ARL8B: variants seen among roughly 807,000 people sequenced by gnomAD.
The protein encoded by ARL8B is ADP-ribosylation factor-like protein 8B.
A neutral mutation model predicts 30.6 loss-of-function variants in ARL8B; 9 were observed. The ratio of observed to expected loss-of-function variants is 0.29; its 90% confidence interval spans 0.18 to 0.51. The LOEUF (loss-of-function observed/expected upper bound fraction) is 0.51, where lower values mean the gene tolerates loss of function less well. Ranked by LOEUF, ARL8B falls within the 20% of genes least tolerant of loss-of-function variation. The pLI, the probability that ARL8B is intolerant of heterozygous loss-of-function variation, is 0.97. For synonymous variants in ARL8B, 74 were observed against 76.0 expected, an observed-to-expected ratio of 0.97 and a Z score of 0.14; for missense variants, 130 against 227.2, an observed-to-expected ratio of 0.57 and a Z score of 2.75.
At chr3:5,172,821 T>A in intron 4 of ARL8B, 81 bp downstream of exon 4, 3 of 950,802 alleles carry the variant, frequency 3.2e-6, no homozygotes. Context: ...ATATTAATTA[T>A]GTTTGAAATC....
chr3:5,167,395 A>C lies in ARL8B; in HGVS notation c.124-3108A>C, dbSNP rs144944176. Among the ~76,000 whole-genome samples the C allele has an allele frequency of 2.0e-5, 3 of 152,316 alleles. No homozygotes were observed. The East Asian group carries it at 5.8e-4, about 29-fold the overall frequency. The stretch of plus-strand genomic sequence containing the variant: ...TCTAAAGCAGAAGAGTACTGTGCCT[A>C]ATTTATAAATTAAGCTTTATCATAG... On this transcript the variant is annotated intron_variant, in intron 1 of 6. Coordinates refer to ENST00000256496, the MANE Select transcript of ARL8B (RefSeq NM_018184.3).
intron 1 of ARL8B, among the ~76,000 whole-genome samples, chr3:5,162,059 G>A (rs963002321): frequency 1.1e-4 from 17 of 152,298 alleles, no homozygotes; most frequent in African/African-American, 4.1e-4. Context: ...CTATAGATTC[G>A]TTATCTGTGT....
chr3:5,134,769 T>G (rs573421589), intron 1 of ARL8B, among the ~76,000 whole-genome samples: 225 of 152,316 alleles, frequency 1.5e-3, no homozygotes, highest in Admixed American at 2.2e-3. Context: ...GGATTTATAG[T>G]GCTCACAGAT....
chr3:5,123,660 C>A (rs1036464493), intron 1 of ARL8B, among the ~76,000 whole-genome samples: 2 of 152,054 alleles, frequency 1.3e-5, no homozygotes, highest in African/African-American at 2.4e-5. Context: ...ATTAGCTGTC[C>A]GACTGGTTAG....
intron 1 of ARL8B, among the ~76,000 whole-genome samples, chr3:5,126,994 C>T (rs2054235429): frequency 6.6e-6 from 1 of 152,156 alleles, no homozygotes; most frequent in Non-Finnish European, 1.5e-5. Flanking sequence ...AAAAATTTGT[C>T]TACACTTTTG....
intron 1 of ARL8B, among the ~76,000 whole-genome samples, chr3:5,155,125 A>G (rs562890351): frequency 9.9e-5 from 15 of 152,210 alleles, no homozygotes; most frequent in Admixed American, 2.6e-4. Context: ...GCTTTTGTTT[A>G]TCTGGGAATG....
chr3:5,124,998 G>A (rs113436939), intron 1 of ARL8B, among the ~76,000 whole-genome samples: 1 of 152,166 alleles, frequency 6.6e-6, no homozygotes, highest in Non-Finnish European at 1.5e-5. Context: ...GCAAATCTTT[G>A]AGAAACTTCT....
chr3:5,152,800 T>C (rs1160655267), intron 1 of ARL8B, among the ~76,000 whole-genome samples: 1 of 152,366 alleles, frequency 6.6e-6, no homozygotes, highest in South Asian at 2.1e-4. Context: ...TCTGGGTTTA[T>C]TGAAGACAAC....
chr3:5,172,626 A>G, intron 3 of ARL8B, 21 bp from the exon 4 acceptor site: 2 of 1,546,196 alleles, frequency 1.3e-6, no homozygotes, highest in South Asian at 1.1e-5. Flanking sequence ...AGGTATGTTG[A>G]GATCACTTCA....
chr3:5,127,392 G>C (rs2054239257), intron 1 of ARL8B, among the ~76,000 whole-genome samples: 2 of 152,116 alleles, frequency 1.3e-5, no homozygotes, highest in South Asian at 4.1e-4. Context: ...TGCAGTTTTT[G>C]TATCGTATAT....
At chr3:5,159,303 A>G (rs1361517447) in intron 1 of ARL8B, among the ~76,000 whole-genome samples, 1 of 122,382 alleles carries the variant, frequency 8.2e-6, no homozygotes, top group Non-Finnish European at 1.8e-5. Flanking sequence ...GTCTCAAAAA[A>G]AAAAAAAAAA....
Position 5,180,327 on chromosome 3 carries a change from A to G in ARL8B, c.*1614A>G, listed in dbSNP as rs2054767452. 6.6e-6 allele frequency: 1 copy of G among 152,494 alleles called. No homozygotes were observed. Among genetic ancestry groups the G allele is most frequent in the Admixed American group, 6.5e-5 (1 of 15,300 alleles). 9.4% of individuals were successfully genotyped at this position (152,494 alleles called of 1,614,324 possible). ...AATTTCTCTTCTTATTCTTTGAAGC[A>G]TGTTGCATACTACCCTGGTGGGATG... On this transcript the variant is annotated 3_prime_UTR_variant, in exon 7 of 7. Transcript: ENST00000256496.
chr3:5,163,879 AAAAG>A (rs1177842002), intron 1 of ARL8B, among the ~76,000 whole-genome samples: 3 of 152,226 alleles, frequency 2.0e-5, no homozygotes, highest in Non-Finnish European at 2.9e-5. Context: ...TTGGGAGAAA[AAAAG>A]AGAGAGTGCT....
chr3:5,178,907 A>G lies in ARL8B; in HGVS notation c.*194A>G. The G allele has an allele frequency of 3.8e-6, 4 of 1,047,838 alleles. No homozygotes were observed. The South Asian group carries it at 7.9e-5, about 21-fold the overall frequency. 64.9% of individuals were successfully genotyped at this position (1,047,838 alleles called of 1,614,324 possible). On this transcript the variant is annotated 3_prime_UTR_variant, in exon 7 of 7. Transcript: ENST00000256496. ...AAGAATCAGCTAGAGTTGTCATGATAAAGTCAGCACACACAAAAAGGCTTC... is the reference window on the plus strand; with the variant it reads ...AAGAATCAGCTAGAGTTGTCATGATGAAGTCAGCACACACAAAAAGGCTTC...
At chr3:5,160,878 T>C (rs977199827) in intron 1 of ARL8B, among the ~76,000 whole-genome samples, 7 of 152,250 alleles carry the variant, frequency 4.6e-5, no homozygotes, top group East Asian at 1.9e-4. Flanking sequence ...TGGGATGTTA[T>C]AGATCCTGAC....
intron 1 of ARL8B, chr3:5,128,377 G>C: frequency 2.3e-6 from 1 of 430,378 alleles, no homozygotes; most frequent in East Asian, 7.7e-5. Context: ...TGGAAAATGA[G>C]GCATCTTACA....
intron 6 of ARL8B, among the ~76,000 whole-genome samples, chr3:5,175,347 G>A (rs561263963): frequency 2.6e-5 from 4 of 152,286 alleles, no homozygotes; most frequent in East Asian, 3.9e-4. Flanking sequence ...CAATAAAGTC[G>A]TGAGGTTAAG....
chr3:5,128,897 G>A (rs1423539111), intron 1 of ARL8B, among the ~76,000 whole-genome samples: 1 of 152,134 alleles, frequency 6.6e-6, no homozygotes, highest in African/African-American at 2.4e-5. Flanking sequence ...TTGTTACAGT[G>A]TATGCATTTT....
intron 6 of ARL8B, among the ~76,000 whole-genome samples, chr3:5,176,556 A>G (rs2054731687): frequency 6.6e-6 from 1 of 152,202 alleles, no homozygotes; most frequent in African/African-American, 2.4e-5. Flanking sequence ...TTCAGTTTAA[A>G]GTGTGGATAG....
Sources: gnomAD v4.1 joint callset for allele counts (sites outside exome capture counted in the v4.1 genomes callset) on GRCh38, gnomAD v4.1.1 for gene constraint, MANE v1.5 for transcripts, NCBI Gene and HGNC (gene_info 2026-07-23, HGNC 2026-07-21) for gene names.